The following MKLN1 variants were observed in gnomAD, a reference collection of about 807,000 sequenced individuals.
The protein encoded by MKLN1 is muskelin 1.
MKLN1 carries 18 observed loss-of-function variants against 99.0 expected under a neutral mutation model. The observed-to-expected ratio is 0.18, with a 90% confidence interval of 0.13 to 0.27. The LOEUF is 0.27. Among genes scored for constraint, MKLN1 ranks in the 10% least tolerant of loss-of-function variants. MKLN1 has a pLI of 1.00. For synonymous variants in MKLN1, 288 were observed against 293.2 expected, an observed-to-expected ratio of 0.98 and a Z score of 0.18; for missense variants, 621 against 875.9, an observed-to-expected ratio of 0.71 and a Z score of 3.67.
chr7:131,194,003 GTTTTT>G (rs71168387), intron 2 of MKLN1, among the ~76,000 whole-genome samples: 3 of 128,246 alleles, frequency 2.3e-5, no homozygotes, highest in African/African-American at 5.7e-5. Context: ...GCTTTGTTTT[GTTTTT>G]TTTTTTTTTT....
At chr7:131,175,841 G>C (rs944668628) in intron 2 of MKLN1, among the ~76,000 whole-genome samples, 13 of 152,082 alleles carry the variant, frequency 8.5e-5, no homozygotes. Flanking sequence ...TGGAGGTTGC[G>C]GTGAGCCAAG....
chr7:131,229,478 G>A (rs1797208966), intron 3 of MKLN1, among the ~76,000 whole-genome samples: 1 of 152,160 alleles, frequency 6.6e-6, no homozygotes, highest in Non-Finnish European at 1.5e-5. Flanking sequence ...TTACGTAGAG[G>A]AAGCCTCCTA....
At chr7:131,177,349 T>C (rs1335975802) in intron 2 of MKLN1, among the ~76,000 whole-genome samples, 4 of 147,158 alleles carry the variant, frequency 2.7e-5, no homozygotes, top group African/African-American at 1.0e-4. Flanking sequence ...GTGCCTGTAG[T>C]CCCAGGTACT....
At position 131,463,281 on chromosome 7, in the gene MKLN1, A is replaced by C; in HGVS notation, c.1590A>C (p.Leu530Phe). Residue 530 changes from leucine (L) to phenylalanine (F), a missense_variant, in exon 13 of 18, where the codon TTA becomes TTC. Physicochemically the swap from Leu to Phe is conservative, Grantham distance 22. Around this residue, in one of 8 missense-constraint regions of MKLN1, gnomAD observed 10 missense variants for 45.5 expected, o/e 0.22. Transcript: ENST00000352689. ...CAGAACTGAATGAAATACACGTCTTATCTGGACTCAGCAAAGATAAGGAAA... is the reference window on the plus strand; with the variant it reads ...CAGAACTGAATGAAATACACGTCTTCTCTGGACTCAGCAAAGATAAGGAAA... ...IDPELNEIHV[L>F]SGLSKDKEKR... 1 of 1,611,746 alleles carries C rather than the reference A, an allele frequency of 6.2e-7. No individual in the cohort carries two copies.
intron 2 of MKLN1, among the ~76,000 whole-genome samples, chr7:131,378,187 C>T (rs2116856611): frequency 6.6e-6 from 1 of 152,308 alleles, no homozygotes; most frequent in Non-Finnish European, 1.5e-5. Context: ...TCTTGGCTCA[C>T]TGCAGCCTCC....
At chr7:131,319,511 G>A (rs1353024178) in intron 3 of MKLN1, among the ~76,000 whole-genome samples, 1 of 152,156 alleles carries the variant, frequency 6.6e-6, no homozygotes, top group Non-Finnish European at 1.5e-5. Flanking sequence ...AAAGCTGGAG[G>A]CATTCCCTTT....
At chr7:131,462,541 A>G (rs1250084715) in intron 12 of MKLN1, among the ~76,000 whole-genome samples, 1 of 152,170 alleles carries the variant, frequency 6.6e-6, no homozygotes, top group Non-Finnish European at 1.5e-5. Flanking sequence ...TCCTTATGTA[A>G]AAATGATTAT....
intron 2 of MKLN1, among the ~76,000 whole-genome samples, chr7:131,174,657 C>T (rs910338970): frequency 1.3e-5 from 2 of 152,164 alleles, no homozygotes; most frequent in Non-Finnish European, 2.9e-5. Flanking sequence ...AACAGACTCA[C>T]ACACATTTTA....
At chr7:131,115,610 C>T (rs1407278004) in intron 1 of MKLN1, among the ~76,000 whole-genome samples, 1 of 152,176 alleles carries the variant, frequency 6.6e-6, no homozygotes, top group Non-Finnish European at 1.5e-5. Context: ...AGTCCAGACT[C>T]CTCCTCCATG....
intron 3 of MKLN1, among the ~76,000 whole-genome samples, chr7:131,250,648 G>T (rs1392092734): frequency 1.3e-5 from 2 of 152,134 alleles, no homozygotes; most frequent in African/African-American, 4.8e-5. Flanking sequence ...AATCAGAAAA[G>T]GATGTTCAAA....
At chr7:131,253,447 C>A (rs1183899218) in intron 3 of MKLN1, among the ~76,000 whole-genome samples, 1 of 152,160 alleles carries the variant, frequency 6.6e-6, no homozygotes, top group Non-Finnish European at 1.5e-5. Context: ...CTCCAACAAG[C>A]CCCTACCTAT....
intron 16 of MKLN1, among the ~76,000 whole-genome samples, chr7:131,474,293 A>G (rs1796906972): frequency 6.6e-6 from 1 of 152,196 alleles, no homozygotes; most frequent in Admixed American, 6.5e-5. Context: ...GAAAAACTGG[A>G]AGGATGGAGT....
At chr7:131,118,891 C>A (rs1042716202) in intron 1 of MKLN1, among the ~76,000 whole-genome samples, 1 of 152,216 alleles carries the variant, frequency 6.6e-6, no homozygotes, top group Non-Finnish European at 1.5e-5. Flanking sequence ...TTGGGAATTA[C>A]AATTCAACAT....
intron 16 of MKLN1, among the ~76,000 whole-genome samples, chr7:131,475,033 G>T (rs1210139128): frequency 6.6e-6 from 1 of 152,048 alleles, no homozygotes; most frequent in Admixed American, 6.6e-5. Context: ...ACAGCAAGGG[G>T]GAAATTGGCC....
chr7:131,459,953 A>C (rs774533175), intron 12 of MKLN1, among the ~76,000 whole-genome samples: 1 of 151,728 alleles, frequency 6.6e-6, no homozygotes, highest in East Asian at 1.9e-4. Context: ...CATAATTTCT[A>C]TCTTTTTGCT....
chr7:131,227,531 T>TTCTTTC, intron 3 of MKLN1, among the ~76,000 whole-genome samples: 1 of 148,504 alleles, frequency 6.7e-6, no homozygotes, highest in East Asian at 2.0e-4. Flanking sequence ...CTTTCTTTCT[T>TTCTTTC]TCTTTCTCTC....
intron 3 of MKLN1, among the ~76,000 whole-genome samples, chr7:131,321,771 G>A (rs978334422): frequency 6.6e-6 from 1 of 152,010 alleles, no homozygotes; most frequent in African/African-American, 2.4e-5. Flanking sequence ...AGGATGCATG[G>A]GGCATCTCCA....
At chr7:131,150,052 C>T (rs542625724) in intron 2 of MKLN1, among the ~76,000 whole-genome samples, 8 of 152,244 alleles carry the variant, frequency 5.3e-5, no homozygotes, top group East Asian at 1.9e-4. Context: ...CAGCTGGCCC[C>T]GTCTTTGCTC....
chr7:131,453,379 G>A (rs1020776021), intron 12 of MKLN1, among the ~76,000 whole-genome samples: 13 of 152,154 alleles, frequency 8.5e-5, no homozygotes, highest in Non-Finnish European at 1.6e-4. Flanking sequence ...TGAGAATTTA[G>A]TATATGGTAA....
Sources: gnomAD v4.1 joint callset for allele counts (sites outside exome capture counted in the v4.1 genomes callset) on GRCh38, gnomAD v4.1.1 for gene constraint, gnomAD v4.1.1 regional missense constraint, MANE v1.5 for transcripts, NCBI Gene and HGNC (gene_info 2026-07-23, HGNC 2026-07-21) for gene names.